EPHA5: variants seen among roughly 807,000 people sequenced by gnomAD.
EPHA5 encodes the protein ephrin type-A receptor 5.
Under a neutral mutation model 105.0 loss-of-function variants are expected in EPHA5, and 60 were observed. The ratio of observed to expected loss-of-function variants is 0.57; its 90% CI spans 0.46 to 0.71. The LOEUF (loss-of-function observed/expected upper bound fraction) is 0.71, where lower values mean the gene tolerates loss of function less well. EPHA5 is among the 30% of genes least tolerant of loss of function. The pLI is 0.00. For missense variants in EPHA5, 1,218 were observed against 1,274.7 expected (o/e 0.96, Z 0.68); for synonymous variants, 513 against 449.1 (o/e 1.14, Z -1.80).
intron 7 of EPHA5, among the ~76,000 whole-genome samples, chr4:65,412,890 T>C (rs78405126): frequency 1.5e-3 from 229 of 152,270 alleles, no homozygotes; most frequent in African/African-American, 5.2e-3. Flanking sequence ...GAATTTACAG[T>C]TGTTTTTTTA....
intron 3 of EPHA5, among the ~76,000 whole-genome samples, chr4:65,601,293 A>G (rs886510174): frequency 3.9e-5 from 6 of 152,202 alleles, no homozygotes; most frequent in African/African-American, 1.2e-4. Context: ...AAGTTCATGG[A>G]GAGAAAATAG....
intron 1 of EPHA5, among the ~76,000 whole-genome samples, chr4:65,666,220 A>G (rs1749952792): frequency 6.6e-6 from 1 of 152,150 alleles, no homozygotes; most frequent in South Asian, 2.1e-4. Context: ...AACATACAAA[A>G]CATTCAGAGA....
At chr4:65,403,051 C>G (rs934409518) in intron 8 of EPHA5, among the ~76,000 whole-genome samples, 5 of 151,996 alleles carry the variant, frequency 3.3e-5, no homozygotes, top group Non-Finnish European at 7.4e-5. Context: ...CGCGTAAATG[C>G]TAATCTAACA....
chr4:65,353,924 T>G (rs1451179), intron 11 of EPHA5, among the ~76,000 whole-genome samples: 1 of 151,406 alleles, frequency 6.6e-6, no homozygotes, highest in Non-Finnish European at 1.5e-5. Flanking sequence ...TTAATTATGA[T>G]GAAAATGGTT....
chr4:65,322,825 T>C lies in EPHA5; in HGVS notation c.*1289A>G, dbSNP rs938585937. On this transcript the variant is annotated 3_prime_UTR_variant, in exon 17 of 17. Transcript: ENST00000613740. ...CTGAAGGGAAATAAGCATATATATA[T>C]ATTTGTGTGTGTGTATGTGTATATA... 5.7e-5 allele frequency: 13 copies of C among 228,620 alleles called. No homozygotes were observed. Among genetic ancestry groups the C allele is most frequent in the Non-Finnish European group, 1.1e-4 (13 of 115,204 alleles). 14.2% of individuals were successfully genotyped at this position (228,620 alleles called of 1,614,324 possible).
chr4:65,407,111 C>G (rs148139754), intron 7 of EPHA5, among the ~76,000 whole-genome samples: 73 of 152,168 alleles, frequency 4.8e-4, no homozygotes, highest in African/African-American at 1.7e-3. Context: ...AATTAAATAT[C>G]TAAAATATCA....
intron 3 of EPHA5, among the ~76,000 whole-genome samples, chr4:65,526,400 C>T (rs1191506209): frequency 2.0e-5 from 3 of 151,564 alleles, no homozygotes; most frequent in African/African-American, 7.3e-5. Context: ...AATGTTCCAG[C>T]CTCATATATA....
intron 3 of EPHA5, among the ~76,000 whole-genome samples, chr4:65,555,649 G>A (rs1028546417): frequency 5.0e-5 from 7 of 140,324 alleles, no homozygotes; most frequent in Admixed American, 4.1e-4. Context: ...CACATTTTTC[G>A]AAGCTGGGCT....
intron 7 of EPHA5, among the ~76,000 whole-genome samples, chr4:65,408,462 T>G (rs1722584305): frequency 6.6e-6 from 1 of 152,058 alleles, no homozygotes. Flanking sequence ...GGTCATCAAT[T>G]ATAAAAATTA....
intron 2 of EPHA5, among the ~76,000 whole-genome samples, chr4:65,640,596 C>A (rs1747578345): frequency 6.6e-6 from 1 of 152,120 alleles, no homozygotes; most frequent in Admixed American, 6.5e-5. Context: ...AAAGTCATTT[C>A]TCTATTAGCT....
chr4:65,389,007 A>AGG (rs1222574622), intron 8 of EPHA5, among the ~76,000 whole-genome samples: 75 of 152,176 alleles, frequency 4.9e-4, no homozygotes, highest in African/African-American at 1.8e-3. Context: ...TATTGAATTC[A>AGG]TGCTAATTTG....
intron 16 of EPHA5, chr4:65,331,585 C>G: frequency 9.4e-7 from 1 of 1,061,362 alleles, no homozygotes; most frequent in Non-Finnish European, 1.1e-6. Context: ...ATGTTTGGTC[C>G]TTATGTAGGA....
At chr4:65,578,917 C>CT in intron 3 of EPHA5, among the ~76,000 whole-genome samples, 1 of 151,696 alleles carries the variant, frequency 6.6e-6, no homozygotes, top group East Asian at 1.9e-4. Context: ...CTAAAGACCG[C>CT]TATTAAAAAA....
At chr4:65,540,525 T>A (rs72642620) in intron 3 of EPHA5, among the ~76,000 whole-genome samples, 41 of 151,450 alleles carry the variant, frequency 2.7e-4, no homozygotes, top group Admixed American at 4.0e-4. Context: ...CAAAAAAGCA[T>A]AGGAGAACTA....
At chr4:65,598,331 C>T (rs935637035) in intron 3 of EPHA5, among the ~76,000 whole-genome samples, 1 of 151,980 alleles carries the variant, frequency 6.6e-6, no homozygotes, top group African/African-American at 2.4e-5. Context: ...AATTTTCAGA[C>T]CAAGGAGATA....
chr4:65,329,587 C>T (rs1266749053), intron 16 of EPHA5, among the ~76,000 whole-genome samples: 1 of 151,334 alleles, frequency 6.6e-6, no homozygotes, highest in Non-Finnish European at 1.5e-5. Context: ...GTATTTACAA[C>T]AGTTATGAAT....
intron 16 of EPHA5, among the ~76,000 whole-genome samples, chr4:65,326,254 A>C (rs1474130520): frequency 6.6e-6 from 1 of 151,104 alleles, no homozygotes; most frequent in South Asian, 2.1e-4. Context: ...CTTAGCTATA[A>C]AACACAGCCA....
intron 5 of EPHA5, among the ~76,000 whole-genome samples, chr4:65,435,208 C>T (rs1725364974): frequency 6.6e-6 from 1 of 152,138 alleles, no homozygotes; most frequent in East Asian, 1.9e-4. Context: ...TTTCACCTCA[C>T]TGTCACTGAG....
chr4:65,575,299 T>A (rs1379294652), intron 3 of EPHA5, among the ~76,000 whole-genome samples: 8 of 152,148 alleles, frequency 5.3e-5, no homozygotes, highest in Admixed American at 3.9e-4. Flanking sequence ...TCCCACAAGC[T>A]GAGTGGTTCC....
Sources: gnomAD v4.1 joint callset for allele counts (sites outside exome capture counted in the v4.1 genomes callset) on GRCh38, gnomAD v4.1.1 for gene constraint, MANE v1.5 for transcripts, NCBI Gene and HGNC (gene_info 2026-07-23, HGNC 2026-07-21) for gene names.